BMAL1: variants seen among roughly 807,000 people sequenced by gnomAD.
BMAL1 encodes basic helix-loop-helix ARNT-like protein 1.
At chr11:13,361,897 C>CT in the BMAL1 span, among the ~76,000 whole-genome samples, 2 of 152,142 alleles carry the variant, frequency 1.3e-5, no homozygotes, top group Non-Finnish European at 2.9e-5. Context: ...TCTGGCTGTC[C>CT]TTTTTATCAA....
the BMAL1 span, among the ~76,000 whole-genome samples, chr11:13,316,494 C>G: frequency 6.6e-6 from 1 of 152,184 alleles, no homozygotes; most frequent in Non-Finnish European, 1.5e-5. Flanking sequence ...AGGCACCTCC[C>G]TTTTCCCCTA....
At chr11:13,317,519 A>G in the BMAL1 span, among the ~76,000 whole-genome samples, 1 of 152,210 alleles carries the variant, frequency 6.6e-6, no homozygotes, top group African/African-American at 2.4e-5. Context: ...ATTGTTTAAA[A>G]TCGTTATGGT....
chr11:13,330,630 A>G, the BMAL1 span, among the ~76,000 whole-genome samples: 1 of 152,238 alleles, frequency 6.6e-6, no homozygotes, highest in Admixed American at 6.5e-5. Context: ...GTGGGTGCTG[A>G]TCAGAAAAAG....
the BMAL1 span, among the ~76,000 whole-genome samples, chr11:13,301,735 G>A: frequency 4.6e-5 from 7 of 152,300 alleles, no homozygotes; most frequent in Middle Eastern, 6.8e-3. Flanking sequence ...GGTCATAGTA[G>A]CACTTTATGG....
the BMAL1 span, among the ~76,000 whole-genome samples, chr11:13,281,511 C>T: frequency 6.6e-6 from 1 of 152,142 alleles, no homozygotes; most frequent in African/African-American, 2.4e-5. Context: ...TTCTTGGCCC[C>T]TTTGCAGTAT....
At chr11:13,316,224 T>C in the BMAL1 span, among the ~76,000 whole-genome samples, 1 of 152,204 alleles carries the variant, frequency 6.6e-6, no homozygotes, top group African/African-American at 2.4e-5. Context: ...AGAGCAATAC[T>C]TTGTACAGTC....
the BMAL1 span, among the ~76,000 whole-genome samples, chr11:13,283,004 G>T: frequency 1.7e-4 from 26 of 152,156 alleles, no homozygotes; most frequent in African/African-American, 6.3e-4. Flanking sequence ...ATGGAAGGAG[G>T]GTTTGAATTG....
the BMAL1 span, among the ~76,000 whole-genome samples, chr11:13,286,536 G>A: frequency 0.92 from 140,702 of 152,216 alleles, 65,489 homozygotes; most frequent in East Asian, 1. Flanking sequence ...GCAGGGAAAC[G>A]TAGATATACT....
the BMAL1 span, among the ~76,000 whole-genome samples, chr11:13,365,072 A>T: frequency 6.6e-6 from 1 of 152,118 alleles, no homozygotes; most frequent in South Asian, 2.1e-4. Flanking sequence ...AAGGCAGATG[A>T]TGGCTGAGAT....
At chr11:13,386,481 C>T in the BMAL1 span, 1 of 1,142,074 alleles carries the variant, frequency 8.8e-7, no homozygotes, top group South Asian at 2.1e-5. Context: ...AAAGCAGCAT[C>T]TCACCCTACC....
chr11:13,383,565 A>G, the BMAL1 span, among the ~76,000 whole-genome samples: 1 of 152,152 alleles, frequency 6.6e-6, no homozygotes, highest in Non-Finnish European at 1.5e-5. Context: ...ATTGTCCATC[A>G]TGGCTAGGTG....
At chr11:13,372,525 A>G in the BMAL1 span, 5 of 1,484,984 alleles carry the variant, frequency 3.4e-6, no homozygotes, top group Non-Finnish European at 4.5e-6. Flanking sequence ...GAAAGAAAGA[A>G]AAAGCTGGGT....
At chr11:13,303,295 G>A in the BMAL1 span, among the ~76,000 whole-genome samples, 11,276 of 152,120 alleles carry the variant, frequency 0.074, 1,385 homozygotes, top group African/African-American at 0.26. Flanking sequence ...TAGACCCAGG[G>A]TGTACAGCAA....
At chr11:13,298,687 G>A in the BMAL1 span, among the ~76,000 whole-genome samples, 2 of 152,140 alleles carry the variant, frequency 1.3e-5, no homozygotes, top group Admixed American at 1.3e-4. Flanking sequence ...AAAGTATTGG[G>A]TACGGTGCTT....
At chr11:13,369,218 T>A in the BMAL1 span, among the ~76,000 whole-genome samples, 122 of 152,346 alleles carry the variant, frequency 8.0e-4, no homozygotes, top group Non-Finnish European at 1.5e-3. Flanking sequence ...CAGCCCAAGT[T>A]CCTTCTCCTC....
the BMAL1 span, chr11:13,379,869 T>A: frequency 6.6e-6 from 1 of 152,190 alleles, no homozygotes; most frequent in Non-Finnish European, 1.5e-5. Context: ...GAAATGATAC[T>A]GTGCAGTTTG....
chr11:13,354,458 T>C, the BMAL1 span: 474 of 1,612,690 alleles, frequency 2.9e-4, 2 homozygotes, highest in Admixed American at 4.7e-4. Context: ...AGTAAGGCCT[T>C]TGGGGCATGT....
At chr11:13,336,894 T>G in the BMAL1 span, among the ~76,000 whole-genome samples, 1 of 152,236 alleles carries the variant, frequency 6.6e-6, no homozygotes, top group Non-Finnish European at 1.5e-5. Flanking sequence ...TGGTGTGTGA[T>G]TTCCCTGTCC....
the BMAL1 span, chr11:13,354,405 G>A: frequency 2.5e-6 from 4 of 1,614,220 alleles, no homozygotes; most frequent in Non-Finnish European, 1.7e-6. Flanking sequence ...TACCAGTGGT[G>A]TGGATTGCAA....
Sources: allele counts gnomAD v4.1 joint callset (sites outside exome capture counted in the v4.1 genomes callset), GRCh38; gene constraint gnomAD v4.1.1; transcripts MANE v1.5; gene names NCBI Gene and HGNC (gene_info 2026-07-23, HGNC 2026-07-21).